The following GRM7 variants were observed in gnomAD, a reference collection of about 807,000 sequenced individuals.
GRM7 encodes metabotropic glutamate receptor 7.
Under a neutral mutation model 84.5 loss-of-function variants are expected in GRM7, and 35 were observed. That is an observed-to-expected ratio of 0.41 (90% CI 0.32 to 0.55). The LOEUF (loss-of-function observed/expected upper bound fraction) is 0.55. Ranked by LOEUF, GRM7 falls within the 20% of genes least tolerant of loss-of-function variation. GRM7 has a pLI of 0.19. For synonymous variants in GRM7, 487 were observed against 455.1 expected (o/e 1.07, Z -0.89); for missense variants, 1,003 against 1,194.6 (o/e 0.84, Z 2.36).
intron 2 of GRM7, among the ~76,000 whole-genome samples, chr3:7,278,402 A>T (rs1175270199): frequency 6.6e-6 from 1 of 152,118 alleles, no homozygotes; most frequent in Admixed American, 6.5e-5. Flanking sequence ...AAAACATGTT[A>T]TTAAATTAAT....
At chr3:7,027,768 C>A (rs79818993) in intron 1 of GRM7, among the ~76,000 whole-genome samples, 16 of 152,214 alleles carry the variant, frequency 1.1e-4, no homozygotes, top group African/African-American at 3.6e-4. Context: ...CCCTGTTATG[C>A]GTTGTGTTTC....
chr3:7,187,123 T>G (rs1465973376), intron 2 of GRM7, among the ~76,000 whole-genome samples: 2 of 152,096 alleles, frequency 1.3e-5, no homozygotes, highest in East Asian at 3.9e-4. Flanking sequence ...AATTAACAAT[T>G]GATTTGATCT....
At chr3:7,677,176 C>T (rs181336175) in intron 8 of GRM7, among the ~76,000 whole-genome samples, 10 of 145,928 alleles carry the variant, frequency 6.9e-5, no homozygotes, top group South Asian at 6.7e-4. Context: ...GCAGGAGACT[C>T]GCTTGAACCC....
At chr3:7,621,559 C>T (rs989452844) in intron 8 of GRM7, among the ~76,000 whole-genome samples, 1 of 152,094 alleles carries the variant, frequency 6.6e-6, no homozygotes, top group Non-Finnish European at 1.5e-5. Flanking sequence ...CTTGTGTATT[C>T]TAAACATGTC....
intron 8 of GRM7, among the ~76,000 whole-genome samples, chr3:7,642,173 A>C (rs1437665629): frequency 6.6e-6 from 1 of 152,172 alleles, no homozygotes; most frequent in African/African-American, 2.4e-5. Flanking sequence ...GTAAATGTAC[A>C]TTTTTGCCTA....
chr3:7,070,185 A>G (rs945981689), intron 1 of GRM7, among the ~76,000 whole-genome samples: 3 of 152,186 alleles, frequency 2.0e-5, no homozygotes, highest in African/African-American at 7.2e-5. Context: ...TTCATTTAGA[A>G]TATTTAATGA....
At chr3:7,733,894 T>C (rs1170550046) in intron 9 of GRM7, among the ~76,000 whole-genome samples, 2 of 152,196 alleles carry the variant, frequency 1.3e-5, no homozygotes, top group East Asian at 1.9e-4. Context: ...TCCAAATCAA[T>C]GCCCCTTCCA....
chr3:7,547,300 G>A (rs1464654164), intron 7 of GRM7, among the ~76,000 whole-genome samples: 8 of 143,706 alleles, frequency 5.6e-5, no homozygotes, highest in South Asian at 2.3e-4. Context: ...TCCACCCCCC[G>A]GGTTCACGCC....
chr3:7,512,151 TAAAAAA>T (rs1700230916), intron 7 of GRM7, among the ~76,000 whole-genome samples: 1 of 151,470 alleles, frequency 6.6e-6, no homozygotes, highest in African/African-American at 2.4e-5. Context: ...TCTCTGGAAA[TAAAAAA>T]GAAAAGAAAA....
chr3:7,091,760 G>C (rs1698672739), intron 1 of GRM7, among the ~76,000 whole-genome samples: 1 of 149,668 alleles, frequency 6.7e-6, no homozygotes, highest in Non-Finnish European at 1.5e-5. Flanking sequence ...TGACAGTATG[G>C]TGCGGACTGA....
chr3:7,448,761 G>C (rs1697637809), intron 5 of GRM7, among the ~76,000 whole-genome samples: 2 of 152,018 alleles, frequency 1.3e-5, no homozygotes, highest in Admixed American at 6.6e-5. Flanking sequence ...CTCTGAGAGA[G>C]GGATAAAGCC....
At chr3:7,614,974 C>T (rs898569739) in intron 8 of GRM7, among the ~76,000 whole-genome samples, 1 of 152,156 alleles carries the variant, frequency 6.6e-6, no homozygotes, top group African/African-American at 2.4e-5. Context: ...TTTATTCTAT[C>T]TGTGTCATAC....
rs925259920 is a variant in GRM7, at chr3:7,561,666, C to T, written c.1516-16756C>T. ...AGATAATGTGAATCAGATAAGCACT[C>T]TATTTGTCTAATTCTCTGAAGTTGA... On this transcript the variant is annotated intron_variant, in intron 7 of 9. Coordinates refer to ENST00000357716, the MANE Select transcript of GRM7 (RefSeq NM_000844.4). 10 of 411,312 alleles carry T rather than the reference C, an allele frequency of 2.4e-5. No homozygotes were observed. In the Admixed American group the frequency reaches 2.6e-4, roughly 11 times the overall value. 25.5% of individuals were successfully genotyped at this position (411,312 alleles called of 1,614,324 possible). A position where few individuals can be genotyped will look rare whatever the true frequency, so the allele number is the denominator to read the frequency against.
intron 7 of GRM7, chr3:7,560,248 G>A (rs539527604): frequency 6.6e-6 from 1 of 152,092 alleles, no homozygotes; most frequent in East Asian, 1.9e-4. Context: ...TAATGTATCT[G>A]TCTACATACA....
chr3:7,336,316 A>C (rs1281349389), intron 4 of GRM7, among the ~76,000 whole-genome samples: 1 of 152,008 alleles, frequency 6.6e-6, no homozygotes, highest in Non-Finnish European at 1.5e-5. Context: ...CAATTGCAAA[A>C]AAAAAGCACT....
chr3:7,626,542 G>A (rs1332701442), intron 8 of GRM7, among the ~76,000 whole-genome samples: 1 of 152,184 alleles, frequency 6.6e-6, no homozygotes, highest in Non-Finnish European at 1.5e-5. Flanking sequence ...CCTTCTGAGA[G>A]CTGTGAAAAA....
At chr3:7,654,815 A>G (rs998455212) in intron 8 of GRM7, among the ~76,000 whole-genome samples, 8 of 152,356 alleles carry the variant, frequency 5.3e-5, no homozygotes, top group South Asian at 2.1e-4. Context: ...ACGAAATACT[A>G]TCCATAACTT....
At position 6,861,711 on chromosome 3, in the gene GRM7, C is replaced by G. The variant is rs751726449; in HGVS notation, c.323C>G (p.Thr108Ser). Residue 108 changes from threonine (T) to serine (S), a missense_variant, in exon 1 of 10, where the codon ACT becomes AGT. This residue lies in a region of GRM7 where 910 missense variants were observed against 1,126.0 expected (regional missense o/e 0.81). Coordinates refer to ENST00000357716, the MANE Select transcript of GRM7 (RefSeq NM_000844.4). The surrounding 1 kb of genome is among the most constrained non-coding windows in gnomAD (Gnocchi z 6.4). ...ACGCTGGGCGCGCGGATCCTGGACA[C>G]TTGTTCCAGGGACACTTACGCGCTC... ...NVTLGARILDTCSRDTYALEQ... is the reference protein window; with the variant it reads ...NVTLGARILDSCSRDTYALEQ... The G allele has an allele frequency of 1.2e-6, 2 of 1,614,172 alleles. No homozygotes were observed. Among genetic ancestry groups the G allele is most frequent in the East Asian group, 4.5e-5 (2 of 44,844 alleles).
chr3:7,635,061 A>G (rs544904306), intron 8 of GRM7, among the ~76,000 whole-genome samples: 44 of 152,358 alleles, frequency 2.9e-4, no homozygotes, highest in South Asian at 8.3e-4. Flanking sequence ...TGGCAGCCAT[A>G]GCCTCATATG....
Sources: gnomAD v4.1 joint callset for allele counts (sites outside exome capture counted in the v4.1 genomes callset) on GRCh38, gnomAD v4.1.1 for gene constraint, gnomAD v4.1.1 regional missense constraint, Gnocchi (gnomAD v3.1) non-coding constraint, MANE v1.5 for transcripts, NCBI Gene and HGNC (gene_info 2026-07-23, HGNC 2026-07-21) for gene names.